Variants in KIF13A observed in about 807,000 individuals in gnomAD.
KIF13A encodes the protein kinesin family member 13A, also known as kinesin-like protein KIF13A.
Under a neutral mutation model 212.2 loss-of-function variants are expected in KIF13A, and 79 were observed. The ratio of observed to expected loss-of-function variants is 0.37; its 90% CI spans 0.31 to 0.45. The LOEUF is 0.45. KIF13A is among the 20% of genes least tolerant of loss of function. The pLI, the probability that KIF13A is intolerant of heterozygous loss-of-function variation, is 1.00. For missense variants in KIF13A, 1,901 were observed against 2,209.0 expected, an observed-to-expected ratio of 0.86 and a Z score of 2.79; for synonymous variants, 789 against 808.6, an observed-to-expected ratio of 0.98 and a Z score of 0.41.
chr6:17,775,127 T>A, intron 34 of KIF13A, 65 bp from the exon 35 acceptor site: 1 of 1,299,812 alleles, frequency 7.7e-7, no homozygotes, highest in Non-Finnish European at 1.1e-6. Flanking sequence ...TTTTTTTATA[T>A]AAAGAAACAG....
intron 2 of KIF13A, among the ~76,000 whole-genome samples, chr6:17,973,814 A>C (rs956961245): frequency 6.6e-6 from 1 of 152,144 alleles, no homozygotes; most frequent in Non-Finnish European, 1.5e-5. Flanking sequence ...CTCTGCATGG[A>C]TGTGGTCCCC....
intron 2 of KIF13A, among the ~76,000 whole-genome samples, chr6:17,983,428 C>T (rs962031780): frequency 6.6e-6 from 1 of 151,106 alleles, no homozygotes; most frequent in African/African-American, 2.4e-5. Flanking sequence ...TTCCATTGCT[C>T]CCTTCACCCC....
chr6:17,765,957 A>G (rs1758914435), intron 38 of KIF13A, among the ~76,000 whole-genome samples: 1 of 152,240 alleles, frequency 6.6e-6, no homozygotes, highest in Non-Finnish European at 1.5e-5. Context: ...TGGTGAGCAC[A>G]AGAAGGCATG....
rs1401209596 is a variant in KIF13A, at chr6:17,816,420, C to G, written c.2000+600G>C. ...GTCTCGTTATGTTGCTCAGGCTGGT[C>G]TTAAACTCCTGGGCTCAAGCGATCC... On this transcript the variant is annotated intron_variant, in intron 17 of 38. Coordinates refer to ENST00000259711, the MANE Select transcript of KIF13A (RefSeq NM_022113.6). The surrounding 1 kb of genome is among the most constrained non-coding windows in gnomAD (Gnocchi z 4.3). Among the ~76,000 whole-genome samples the G allele has an allele frequency of 6.6e-6, 1 of 152,092 alleles. No homozygotes were observed. Among genetic ancestry groups the G allele is most frequent in the African/African-American group, 2.4e-5 (1 of 41,420 alleles).
In KIF13A at chr6:17,976,144, G is replaced by A. The variant is rs563654318; in HGVS notation, c.146+10910C>T. Among the ~76,000 whole-genome samples the A allele has an allele frequency of 2.0e-3, 312 of 152,336 alleles. 1 individual carries two copies. The highest frequency in any genetic ancestry group is 7.1e-3 in the African/African-American group (296 of 41,590). On this transcript the variant is annotated intron_variant, in intron 2 of 38. Transcript: ENST00000259711. ...CAGCTGGCTTCACCCAGTGGATCCC[G>A]CACCGGGGCTGCAGGTGGAGCTACC...
Position 17,834,934 on chromosome 6 carries a change from T to C in KIF13A, c.1156-863A>G, listed in dbSNP as rs907823517. 1.3e-5 allele frequency among the ~76,000 whole-genome samples: 2 copies of C among 152,004 alleles called. No individual in the cohort carries two copies. The highest frequency in any genetic ancestry group is 4.8e-5 in the African/African-American group (2 of 41,398). ...ATAGGCCAGGCCAATGGCTCCTGCC[T>C]GTAACCCCAACAGTTTGGGAGGCTG... On this transcript the variant is annotated intron_variant, in intron 11 of 38. Coordinates refer to ENST00000259711, the MANE Select transcript of KIF13A (RefSeq NM_022113.6). This position sits in a 1 kb window ranked among gnomAD's most constrained non-coding sequence, Gnocchi z 4.0.
In KIF13A at chr6:17,975,320, A is replaced by G. The variant is rs542209088; in HGVS notation, c.146+11734T>C. Among the ~76,000 whole-genome samples the G allele has an allele frequency of 3.3e-5, 5 of 150,902 alleles. No homozygotes were observed. The South Asian group carries it at 1.1e-3, about 32-fold the overall frequency. On this transcript the variant is annotated intron_variant, in intron 2 of 38. Transcript: ENST00000259711. ...ATGAGCTGAGACTGTGTTCCGAATT[A>G]GTAGGTTCTTGGTCTCACTAACTTC...
At chr6:17,761,387 A>ATT (rs34270855), downstream of KIF13A, among the ~76,000 whole-genome samples, 7 of 147,750 alleles carry the variant, frequency 4.7e-5, no homozygotes, top group African/African-American at 7.4e-5. Flanking sequence ...GGCCGCCAAA[A>ATT]TTTTTTTTTT....
chr6:17,959,609 A>G lies in KIF13A; in HGVS notation c.146+27445T>C, dbSNP rs1258912580. Among the ~76,000 whole-genome samples, 3 of 152,244 alleles carry G rather than the reference A, an allele frequency of 2.0e-5. No homozygotes were observed. The East Asian group carries it at 5.8e-4, about 29-fold the overall frequency. The stretch of plus-strand genomic sequence containing the variant: ...CAACACCTTCTGTATCAACAAGTAG[A>G]GAGTACTCCTCTTCAGGCAGAATTG... On this transcript the variant is annotated intron_variant, in intron 2 of 38. Transcript: ENST00000259711.
chr6:17,874,270 T>TGTTTTC (rs1471139786), intron 3 of KIF13A, among the ~76,000 whole-genome samples: 32 of 92,306 alleles, frequency 3.5e-4, no homozygotes, highest in South Asian at 1.4e-3. Flanking sequence ...AGCATGTTTT[T>TGTTTTC]GTTTTTGTTT....
At chr6:17,981,624 A>G (rs551947214) in intron 2 of KIF13A, among the ~76,000 whole-genome samples, 3 of 151,804 alleles carry the variant, frequency 2.0e-5, no homozygotes, top group South Asian at 4.2e-4. Context: ...GGGTTTCACA[A>G]TGTTGGCCAG....
chr6:17,877,301 A>G (rs1409821547), intron 3 of KIF13A, among the ~76,000 whole-genome samples: 1 of 152,194 alleles, frequency 6.6e-6, no homozygotes, highest in East Asian at 1.9e-4. Context: ...ACTTAAACAA[A>G]CATTCACTCT....
chr6:17,848,898 G>A (rs183889365), intron 9 of KIF13A, among the ~76,000 whole-genome samples: 44 of 152,084 alleles, frequency 2.9e-4, no homozygotes, highest in Middle Eastern at 3.4e-3. Flanking sequence ...GTGAGCCACC[G>A]TACCTAAACA....
rs1219299505 is a variant in KIF13A, at chr6:17,892,098, A to G, written c.159+6070T>C. ...CTATCAGATGGCTGCCATCACTTCC[A>G]ACTCAGCCCACTCTAGAACGTAATC... On this transcript the variant is annotated intron_variant, in intron 3 of 38. Coordinates refer to ENST00000259711, the MANE Select transcript of KIF13A (RefSeq NM_022113.6). This position sits in a 1 kb window ranked among gnomAD's most constrained non-coding sequence, Gnocchi z 4.7. Among the ~76,000 whole-genome samples, 1 of 152,086 alleles carries G rather than the reference A, an allele frequency of 6.6e-6. No homozygotes were observed.
chr6:17,935,387 T>G (rs1052977591), intron 2 of KIF13A, among the ~76,000 whole-genome samples: 1 of 152,152 alleles, frequency 6.6e-6, no homozygotes, highest in African/African-American at 2.4e-5. Context: ...GTCCTCACTA[T>G]GGTCCCTACC....
intron 4 of KIF13A, among the ~76,000 whole-genome samples, chr6:17,857,483 C>T (rs1768256630): frequency 6.6e-6 from 1 of 152,186 alleles, no homozygotes; most frequent in East Asian, 1.9e-4. Context: ...CCTTCACCTT[C>T]CACCATGATT....
chr6:17,802,940 TTG>T (rs869132434), intron 20 of KIF13A, among the ~76,000 whole-genome samples: 19 of 138,996 alleles, frequency 1.4e-4, no homozygotes, highest in South Asian at 2.3e-4. Flanking sequence ...TTGTTTTTTT[TTG>T]TTTTGTTTTG....
chr6:17,859,313 C>T (rs1281962026), intron 4 of KIF13A, among the ~76,000 whole-genome samples: 1 of 151,746 alleles, frequency 6.6e-6, no homozygotes, highest in African/African-American at 2.4e-5. Context: ...TATAAAAATA[C>T]AAGAGTAGGC....
At chr6:17,761,498 C>T (rs1758584349), downstream of KIF13A, among the ~76,000 whole-genome samples, 1 of 152,130 alleles carries the variant, frequency 6.6e-6, no homozygotes, top group African/African-American at 2.4e-5. Flanking sequence ...ATTCTCCTGC[C>T]TCAGCCTCCC....
Sources: gnomAD v4.1 joint callset for allele counts (sites outside exome capture counted in the v4.1 genomes callset) on GRCh38, gnomAD v4.1.1 for gene constraint, Gnocchi (gnomAD v3.1) non-coding constraint, MANE v1.5 for transcripts, NCBI Gene and HGNC (gene_info 2026-07-23, HGNC 2026-07-21) for gene names.